SEMA3F: variants seen among roughly 807,000 people sequenced by gnomAD.
SEMA3F encodes semaphorin 3F.
In SEMA3F, 30 loss-of-function variants were observed where a neutral mutation model predicts 98.5. That is an observed-to-expected ratio of 0.30 (90% CI 0.23 to 0.41). The LOEUF is 0.41. SEMA3F is among the 10% of genes least tolerant of loss of function. The pLI, the probability that SEMA3F is intolerant of heterozygous loss-of-function variation, is 1.00. For missense variants in SEMA3F, 866 were observed against 1,119.3 expected (o/e 0.77, Z 3.23); for synonymous variants, 380 against 444.8 (o/e 0.85, Z 1.83).
chr3:50,174,180 G>A (rs759378913), intron 4 of SEMA3F, 51 bp from the exon 5 acceptor site: 7 of 1,613,112 alleles, frequency 4.3e-6, no homozygotes, highest in Non-Finnish European at 5.9e-6. Flanking sequence ...TGCCCCCAGT[G>A]AGGGGGCAGG....
At chr3:50,155,191 C>T (rs953117624), upstream of SEMA3F, 4 of 344,524 alleles carry the variant, frequency 1.2e-5, no homozygotes, top group Admixed American at 9.6e-5. This position sits in a 1 kb window ranked among gnomAD's most constrained non-coding sequence, Gnocchi z 4.9. Context: ...CCGCCCGGCC[C>T]GGGTCCAGCA....
At chr3:50,181,950 T>G (rs1459230634) in intron 7 of SEMA3F, among the ~76,000 whole-genome samples, 3 of 152,338 alleles carry the variant, frequency 2.0e-5, no homozygotes, top group East Asian at 1.9e-4. Context: ...TGATTTACAT[T>G]TGTTGTGTCT....
intron 12 of SEMA3F, among the ~76,000 whole-genome samples, chr3:50,183,916 A>G (rs1699112908): frequency 6.6e-6 from 1 of 152,160 alleles, no homozygotes; most frequent in Non-Finnish European, 1.5e-5. Context: ...GGGGAGGGGC[A>G]GGGCCAGGCC....
rs1414431830 is a variant in SEMA3F at position 50,156,785 on chromosome 3, G to A, written c.-49+1221G>A. Among the ~76,000 whole-genome samples, 1 of 152,164 alleles carries A rather than the reference G, an allele frequency of 6.6e-6. No individual in the cohort carries two copies. The highest frequency in any genetic ancestry group is 2.4e-5 in the African/African-American group (1 of 41,438). On this transcript the variant is annotated intron_variant, in intron 1 of 18. Coordinates refer to ENST00000002829, the MANE Select transcript of SEMA3F (RefSeq NM_004186.5). This position sits in a 1 kb window ranked among gnomAD's most constrained non-coding sequence, Gnocchi z 4.5. ...GGTGGGGGCCGGAGAGAAAGCAGGG[G>A]CCAGAGAGAAGGCGGCAGCCCACCC...
At chr3:50,157,221 C>G (rs1384416604) in intron 1 of SEMA3F, among the ~76,000 whole-genome samples, 1 of 152,068 alleles carries the variant, frequency 6.6e-6, no homozygotes, top group Non-Finnish European at 1.5e-5. Flanking sequence ...GCCACCTGGC[C>G]CCCTGTCCCA....
chr3:50,159,504 T>C, intron 1 of SEMA3F, 71 bp from the exon 2 acceptor site: 2 of 623,158 alleles, frequency 3.2e-6, no homozygotes, highest in South Asian at 4.0e-5. Flanking sequence ...ATCAACCTCT[T>C]TGTTCACCTT....
In SEMA3F at chr3:50,155,921, C is replaced by G. The variant is rs1273808316; in HGVS notation, c.-49+357C>G. The stretch of plus-strand genomic sequence containing the variant: ...TCCCCCTTCTGCCTCAGCTCTCTCT[C>G]CCATTAACGCCCGAGGCAGCGCTCT... On this transcript the variant is annotated intron_variant, in intron 1 of 18. Transcript: ENST00000002829. The surrounding 1 kb of genome is among the most constrained non-coding windows in gnomAD (Gnocchi z 4.9). 1 of 152,610 alleles carries G rather than the reference C, an allele frequency of 6.6e-6. No homozygotes were observed. Among genetic ancestry groups the G allele is most frequent in the East Asian group, 1.9e-4 (1 of 5,212 alleles). The allele number at this position is 152,610 out of a possible 1,614,324, so 9.5% of individuals were successfully genotyped here. A position where few individuals can be genotyped will look rare whatever the true frequency, so the allele number is the denominator to read the frequency against.
In SEMA3F at chr3:50,182,897, C is replaced by T. The variant is rs1230570656; in HGVS notation, c.904-7C>T. The stretch of plus-strand genomic sequence containing the variant: ...GATCTGACCCGGCCTCTTGCCCCAC[C>T]CCCCAGAACGATGACGGTGGTCACT... On this transcript the variant is annotated splice_polypyrimidine_tract_variant and splice_region_variant and intron_variant, in intron 9 of 18. Transcript: ENST00000002829. This position sits in a 1 kb window ranked among gnomAD's most constrained non-coding sequence, Gnocchi z 4.5. The T allele has an allele frequency of 1.6e-5, 26 of 1,613,220 alleles. No homozygotes were observed. In the Middle Eastern group the frequency reaches 4.9e-4, roughly 31 times the overall value.
chr3:50,163,743 C>T (rs1399605307), intron 2 of SEMA3F, among the ~76,000 whole-genome samples: 2 of 152,078 alleles, frequency 1.3e-5, no homozygotes, highest in African/African-American at 4.8e-5. Flanking sequence ...GGGAGGAGGC[C>T]CAGGAGCTTT....
At chr3:50,176,662 C>T (rs1261951901) in intron 6 of SEMA3F, 106 bp from the exon 7 acceptor site, 8 of 799,278 alleles carry the variant, frequency 1.0e-5, no homozygotes, top group South Asian at 2.9e-5. Flanking sequence ...GGGGTGGGCT[C>T]GGGGTATGCC....
intron 2 of SEMA3F, among the ~76,000 whole-genome samples, chr3:50,168,522 G>T (rs1298683609): frequency 6.6e-6 from 1 of 152,156 alleles, no homozygotes; most frequent in Non-Finnish European, 1.5e-5. Flanking sequence ...GCAGGAGGAA[G>T]GTACGTACAA....
intron 7 of SEMA3F, among the ~76,000 whole-genome samples, chr3:50,179,291 T>C (rs907437024): frequency 6.6e-6 from 1 of 151,888 alleles, no homozygotes; most frequent in African/African-American, 2.4e-5. Flanking sequence ...AAATCCTAGA[T>C]GGCATGTTCT....
intron 13 of SEMA3F, 30 bp downstream of exon 13, chr3:50,184,844 C>T (rs769820534): frequency 9.7e-6 from 15 of 1,552,714 alleles, no homozygotes; most frequent in African/African-American, 9.5e-5. Context: ...GCCTCTCCCA[C>T]GCTGGGCCCA....
At chr3:50,172,227 G>A (rs578121802) in intron 2 of SEMA3F, among the ~76,000 whole-genome samples, 1 of 152,310 alleles carries the variant, frequency 6.6e-6, no homozygotes, top group South Asian at 2.1e-4. Context: ...ACATGTGTGC[G>A]CCATGTGCAT....
chr3:50,168,415 G>A (rs960820889), intron 2 of SEMA3F, among the ~76,000 whole-genome samples: 2 of 152,182 alleles, frequency 1.3e-5, no homozygotes, highest in Non-Finnish European at 2.9e-5. Flanking sequence ...GGGTCTGTGG[G>A]AGCCCAAGGC....
At chr3:50,184,447 A>T in intron 12 of SEMA3F, 145 bp from the exon 13 acceptor site, 1 of 659,016 alleles carries the variant, frequency 1.5e-6, no homozygotes, top group Non-Finnish European at 2.7e-6. Context: ...GGTCAGGTGC[A>T]GGGCAGAAAC....
At position 50,182,978 on chromosome 3, in the gene SEMA3F, C is replaced by A; in HGVS notation, c.978C>A (p.Val326=). ...TFLKARLVCS[V]PGEDGIETHF... ...TGAAGGCGCGGCTCGTCTGCTCTGT[C>A]CCGGGCGAGGATGGCATTGAGACTC... Residue 326 remains valine (V), a synonymous_variant, in exon 10 of 19, where the codon GTC becomes GTA. Transcript: ENST00000002829. This position sits in a 1 kb window ranked among gnomAD's most constrained non-coding sequence, Gnocchi z 4.5. 1 of 1,613,920 alleles carries A rather than the reference C, an allele frequency of 6.2e-7. No homozygotes were observed. Among genetic ancestry groups the A allele is most frequent in the African/African-American group, 1.3e-5 (1 of 75,070 alleles).
chr3:50,162,245 C>T (rs1698233035), intron 2 of SEMA3F, among the ~76,000 whole-genome samples: 1 of 152,190 alleles, frequency 6.6e-6, no homozygotes, highest in Non-Finnish European at 1.5e-5. Context: ...GGAACAAAGG[C>T]AGGAACTGGG....
In SEMA3F at chr3:50,182,683, C is replaced by T. The variant is rs1274948262; in HGVS notation, c.803C>T (p.Ala268Val). 5.6e-6 allele frequency: 9 copies of T among 1,613,710 alleles called. No homozygotes were observed. Among genetic ancestry groups the T allele is most frequent in the Admixed American group, 1.7e-5 (1 of 60,034 alleles). ...CATGCTGAGCTCATTCCTGACAGTGCGGAGCGCAATGATGATAAGCTTTAC... is the reference window on the plus strand; with the variant it reads ...CATGCTGAGCTCATTCCTGACAGTGTGGAGCGCAATGATGATAAGCTTTAC... ...FIHAELIPDS[A>V]ERNDDKLYFF... Residue 268 changes from alanine (A) to valine (V), a missense_variant, in exon 9 of 19, where the codon GCG becomes GTG. By Grantham distance (64) the Ala-to-Val change is moderately conservative (BLOSUM62 0). Transcript: ENST00000002829. This position sits in a 1 kb window ranked among gnomAD's most constrained non-coding sequence, Gnocchi z 4.5.
Sources: gnomAD v4.1 joint callset for allele counts (sites outside exome capture counted in the v4.1 genomes callset) on GRCh38, gnomAD v4.1.1 for gene constraint, Gnocchi (gnomAD v3.1) non-coding constraint, MANE v1.5 for transcripts, NCBI Gene and HGNC (gene_info 2026-07-23, HGNC 2026-07-21) for gene names.